Variants in NBPF10 observed in about 807,000 individuals in gnomAD.
The protein encoded by NBPF10 is NBPF family member NBPF10.
In NBPF10, 63 loss-of-function variants were observed where a neutral mutation model predicts 77.9. The observed-to-expected ratio is 0.81, with a 90% CI of 0.66 to 1.00. The LOEUF is 1.00. NBPF10 is among the 50% of genes least tolerant of loss of function. The pLI is 0.00. For missense variants in NBPF10, 522 were observed against 679.8 expected (o/e 0.77, Z 2.58); for synonymous variants, 146 against 264.5 (o/e 0.55, Z 4.35).
intron 13 of NBPF10, among the ~76,000 whole-genome samples, 200 bp from the exon 14 acceptor site, chr1:146,126,608 C>T (rs1437927272): frequency 7.3e-6 from 1 of 136,662 alleles, no homozygotes; most frequent in East Asian, 2.0e-4. Context: ...CACACACACA[C>T]ACACACACAC....
exon 14 of NBPF10, chr1:146,126,261 A>G (rs782124499): frequency 2.5e-5 from 41 of 1,608,374 alleles, no homozygotes; most frequent in Admixed American, 3.3e-5. Context: ...CCAAGCCAAC[A>G]CGCTGTTGCT....
exon 3 of NBPF10, chr1:146,141,631 G>T (rs1553797369): frequency 9.6e-7 from 1 of 1,040,236 alleles, no homozygotes; most frequent in Admixed American, 2.0e-5. Flanking sequence ...ACAAGGTGCT[G>T]TGCCAGTCTA....
chr1:146,081,019 A>G (rs1365016469), intron 71 of NBPF10, among the ~76,000 whole-genome samples: 7 of 81,272 alleles, frequency 8.6e-5, no homozygotes, highest in African/African-American at 2.3e-4. Context: ...ACACACACAC[A>G]CACACACACA....
chr1:146,126,717 A>T (rs1232634128), intron 13 of NBPF10, among the ~76,000 whole-genome samples: 1 of 146,738 alleles, frequency 6.8e-6, no homozygotes, highest in Admixed American at 6.9e-5. Flanking sequence ...CAGGACACAC[A>T]GTGAACAGTG....
Position 146,128,995 on chromosome 1 carries a change from A to G in NBPF10, c.1638-713T>C, listed in dbSNP as rs1659025075. ...CCCAAAACCCCATCTGTAGGTCGCC[A>G]TCATCAAAGACCAAGGGTAGATAAA... On this transcript the variant is annotated intron_variant, in intron 11 of 89. Transcript: ENST00000583866. 2.6e-5 allele frequency among the ~76,000 whole-genome samples: 4 copies of G among 151,730 alleles called. No homozygotes were observed. In the Middle Eastern group the frequency reaches 0.014, roughly 516 times the overall value.
rs1387372943 is a variant in NBPF10 at position 146,126,498 on chromosome 1, G to A, written c.1854-90C>T. The A allele has an allele frequency of 6.9e-6, 5 of 720,108 alleles. No homozygotes were observed. In the African/African-American group the frequency reaches 8.8e-5, roughly 13 times the overall value. The allele number at this position is 720,108 out of a possible 1,614,324, so 44.6% of individuals were successfully genotyped here. On this transcript the variant is annotated intron_variant, in intron 13 of 89. Coordinates refer to ENST00000583866, the Ensembl canonical transcript of NBPF10. ...GATTTCATGGCTAACATAAGGAAGAGTTTGAAAAGAAAAAGGACAGATCCA... is the reference window on the plus strand; with the variant it reads ...GATTTCATGGCTAACATAAGGAAGAATTTGAAAAGAAAAAGGACAGATCCA...
intron 14 of NBPF10, among the ~76,000 whole-genome samples, chr1:146,125,905 TTAGAG>T (rs1227166820): frequency 4.4e-4 from 66 of 151,530 alleles, no homozygotes; most frequent in African/African-American, 1.6e-3. Flanking sequence ...GACGCTGAAA[TTAGAG>T]TAAAGGATGA....
exon 14 of NBPF10, chr1:146,126,395 G>C (rs782658194): frequency 1.5e-5 from 20 of 1,293,960 alleles, no homozygotes; most frequent in East Asian, 2.3e-5. Flanking sequence ...TCATCCAGCA[G>C]CTCCCTGCTG....
chr1:146,125,878 T>A (rs587621216), intron 14 of NBPF10, among the ~76,000 whole-genome samples: 4 of 151,228 alleles, frequency 2.6e-5, no homozygotes, highest in African/African-American at 9.7e-5. Context: ...AGATTGTTCA[T>A]GGTAGCGAGG....
chr1:146,067,743 T>G (rs1342921876), intron 88 of NBPF10, among the ~76,000 whole-genome samples: 1 of 150,922 alleles, frequency 6.6e-6, no homozygotes, highest in Admixed American at 6.6e-5. Context: ...TTGTCACATC[T>G]GCCCAGGTCC....
intron 71 of NBPF10, among the ~76,000 whole-genome samples, 193 bp from the exon 72 acceptor site, chr1:146,080,970 GAT>G (rs1656238434): frequency 1.6e-4 from 8 of 51,610 alleles, no homozygotes; most frequent in African/African-American, 2.9e-4. Flanking sequence ...GAGAAAGACA[GAT>G]AGACACACAC....
At chr1:146,126,502 G>C in intron 13 of NBPF10, 94 bp from the exon 14 acceptor site, 2 of 716,296 alleles carry the variant, frequency 2.8e-6, no homozygotes, top group South Asian at 3.0e-5. Flanking sequence ...GGAAGAGTTT[G>C]AAAAGAAAAA....
At chr1:146,067,214 C>G (rs782424440) in exon 89 of NBPF10, 1 of 577,254 alleles carries the variant, frequency 1.7e-6, no homozygotes, top group South Asian at 1.8e-5. Context: ...TCTTCCCCTT[C>G]TTTTCTTCCC....
chr1:146,135,932 T>A (rs4068051), intron 7 of NBPF10, among the ~76,000 whole-genome samples: 48 of 146,150 alleles, frequency 3.3e-4, no homozygotes, highest in Non-Finnish European at 6.0e-4. Flanking sequence ...ATTGAAAAGA[T>A]GAAAGAAGAA....
intron 14 of NBPF10, among the ~76,000 whole-genome samples, 162 bp from the exon 15 acceptor site, chr1:146,125,678 G>A (rs1658517584): frequency 7.7e-6 from 1 of 129,790 alleles, no homozygotes; most frequent in African/African-American, 2.9e-5. Flanking sequence ...TCACCACAGA[G>A]ATTCCTTGGT....
intron 56 of NBPF10, among the ~76,000 whole-genome samples, chr1:146,092,852 TA>T (rs1656947854): frequency 1.6e-5 from 2 of 121,642 alleles, no homozygotes; most frequent in South Asian, 5.9e-4. Flanking sequence ...ACGCTGAAAT[TA>T]GAGTGAAGGA....
Position 146,126,298 on chromosome 1 carries a change from G to C in NBPF10, c.1964C>G (p.Pro655Arg), listed in dbSNP as rs587601446. 8 of 1,593,214 alleles carry C rather than the reference G, an allele frequency of 5.0e-6. No homozygotes were observed. The Admixed American group carries it at 1.3e-4, about 27-fold the overall frequency. Reference sequence around the variant, plus strand: ...CAATATGTAAAAGGCACTTCTGTAGGGCTGGCATGAGTCAGTCAGTTCAAG... The same window carrying C: ...CAATATGTAAAAGGCACTTCTGTAGCGCTGGCATGAGTCAGTCAGTTCAAG... The change falls in exon 14 of 90, where the codon CCC becomes CGC. Residue 655 changes from proline (P) to arginine (R), a missense_variant. Pro to Arg is a moderately radical substitution (Grantham distance 103). Transcript: ENST00000583866.
In NBPF10 at chr1:146,069,632, C is replaced by T. The variant is rs587652859; in HGVS notation, c.10721G>A (p.Cys3574Tyr). The T allele has an allele frequency of 3.6e-5, 56 of 1,562,934 alleles. No homozygotes were observed. The Middle Eastern group carries it at 9.0e-4, about 25-fold the overall frequency. ...CTGGCATGAGTCACACAGTTCAAGACAACCTGAAGGAGTTGAATAACATCT... is the reference window on the plus strand; with the variant it reads ...CTGGCATGAGTCACACAGTTCAAGATAACCTGAAGGAGTTGAATAACATCT... Residue 3574 changes from cysteine (C) to tyrosine (Y), a missense_variant, in exon 86 of 90, where the codon TGT (cysteine) becomes TAT (tyrosine). Physicochemically the swap from Cys to Tyr is radical, Grantham distance 194. Around this residue, in one of 9 missense-constraint regions of NBPF10, gnomAD observed 183 missense variants for 96.6 expected, o/e 1.89. Transcript: ENST00000583866.
At position 146,126,417 on chromosome 1, in the gene NBPF10, G is replaced by T. The variant is rs782269560; in HGVS notation, c.1854-9C>A. The T allele has an allele frequency of 7.9e-6, 9 of 1,134,460 alleles. No homozygotes were observed. Among genetic ancestry groups the T allele is most frequent in the South Asian group, 4.9e-5 (4 of 80,966 alleles). 70.3% of individuals were successfully genotyped at this position (1,134,460 alleles called of 1,614,324 possible). On this transcript the variant is annotated splice_polypyrimidine_tract_variant and intron_variant, in intron 13 of 89. Transcript: ENST00000583866. ...GCAGCTCCCTGCTGAGCGTGGAAAAGTAGGAAAAAGTAAAGAATAAGCCAG... is the reference window on the plus strand; with the variant it reads ...GCAGCTCCCTGCTGAGCGTGGAAAATTAGGAAAAAGTAAAGAATAAGCCAG...
Sources: gnomAD v4.1 joint callset for allele counts (sites outside exome capture counted in the v4.1 genomes callset) on GRCh38, gnomAD v4.1.1 for gene constraint, gnomAD v4.1.1 regional missense constraint, MANE v1.5 for transcripts, NCBI Gene and HGNC (gene_info 2026-07-23, HGNC 2026-07-21) for gene names.